OSBPL9: variants seen among roughly 807,000 people sequenced by gnomAD.
OSBPL9 encodes the protein oxysterol-binding protein-related protein 9.
OSBPL9 carries 40 observed loss-of-function variants against 106.6 expected under a neutral mutation model. The observed-to-expected ratio is 0.38, with a 90% CI of 0.29 to 0.49. The LOEUF is 0.49. OSBPL9 is among the 20% of genes least tolerant of loss of function. The pLI is 0.97. For missense variants in OSBPL9, 609 were observed against 887.2 expected, an observed-to-expected ratio of 0.69 and a Z score of 3.98; for synonymous variants, 269 against 295.4, an observed-to-expected ratio of 0.91 and a Z score of 0.92.
intron 3 of OSBPL9, among the ~76,000 whole-genome samples, chr1:51,679,273 A>G (rs144010856): frequency 6.6e-6 from 1 of 152,328 alleles, no homozygotes; most frequent in African/African-American, 2.4e-5. Flanking sequence ...GTTTGGCTTA[A>G]TAGCTAGCAA....
At chr1:51,524,295 A>C in the OSBPL9 span, among the ~76,000 whole-genome samples, 1 of 152,200 alleles carries the variant, frequency 6.6e-6, no homozygotes, top group Non-Finnish European at 1.5e-5. Flanking sequence ...CATCATCACT[A>C]ACTTTTCAGG....
At chr1:51,723,334 C>T (rs1662490867) in intron 4 of OSBPL9, among the ~76,000 whole-genome samples, 2 of 152,194 alleles carry the variant, frequency 1.3e-5, no homozygotes, top group South Asian at 4.1e-4. Flanking sequence ...CTGGCAACCA[C>T]TGAACTTTTT....
At chr1:51,682,128 C>T (rs185650870) in intron 3 of OSBPL9, among the ~76,000 whole-genome samples, 16 of 151,894 alleles carry the variant, frequency 1.1e-4, no homozygotes, top group South Asian at 2.1e-4. Context: ...TGCTTGAACC[C>T]GGGAGGCAGA....
the OSBPL9 span, among the ~76,000 whole-genome samples, chr1:51,560,315 C>A: frequency 6.6e-5 from 10 of 152,160 alleles, no homozygotes; most frequent in Non-Finnish European, 1.3e-4. Context: ...ATGTTTGAAT[C>A]GTGTCTCTAC....
intron 3 of OSBPL9, among the ~76,000 whole-genome samples, chr1:51,695,005 T>C (rs1186848063): frequency 6.6e-6 from 1 of 152,224 alleles, no homozygotes; most frequent in Admixed American, 6.5e-5. Context: ...AATGATATTC[T>C]GTTAACAAAG....
chr1:51,705,399 ATTTTTTTTT>A (rs869169566), intron 3 of OSBPL9, among the ~76,000 whole-genome samples: 74 of 40,372 alleles, frequency 1.8e-3, no homozygotes, highest in East Asian at 4.5e-3. Context: ...ATATATATAT[ATTTTTTTTT>A]TTTTTTTTTT....
At chr1:51,573,864 C>T (rs1645167854), upstream of OSBPL9, 2 of 149,156 alleles carry the variant, frequency 1.3e-5, no homozygotes, top group African/African-American at 5.0e-5. Context: ...ATATCACAGA[C>T]AAAAACAGTT....
At chr1:51,756,388 T>C (rs1343979973) in intron 9 of OSBPL9, 30 bp downstream of exon 9, 3 of 1,601,632 alleles carry the variant, frequency 1.9e-6, no homozygotes, top group African/African-American at 2.7e-5. Context: ...TTTGTTTCCC[T>C]TTACTTCTGC....
intron 4 of OSBPL9, among the ~76,000 whole-genome samples, chr1:51,717,392 G>A (rs1375015872): frequency 6.6e-6 from 1 of 152,212 alleles, no homozygotes; most frequent in Non-Finnish European, 1.5e-5. Flanking sequence ...TTTGACAACA[G>A]TTTTCTTTTC....
At chr1:51,598,190 C>G (rs1381932486) in exon 2 of OSBPL9, 7 of 152,192 alleles carry the variant, frequency 4.6e-5, no homozygotes, top group Admixed American at 3.3e-4. Flanking sequence ...AGATACACAG[C>G]CAGGTCTGTC....
At chr1:51,617,091 T>C (rs770166902), upstream of OSBPL9, 6 of 1,600,856 alleles carry the variant, frequency 3.7e-6, no homozygotes, top group Non-Finnish European at 5.1e-6. Context: ...GGCCGTTTGT[T>C]GTCATTGGCG....
chr1:51,659,780 A>T lies in OSBPL9; in HGVS notation c.162+7739A>T, dbSNP rs561631142. Among the ~76,000 whole-genome samples the T allele has an allele frequency of 4.7e-3, 722 of 152,248 alleles. 3 individuals are homozygous for T. Among genetic ancestry groups the T allele is most frequent in the Non-Finnish European group, 7.9e-3 (540 of 67,980 alleles). ...AATTTGAAAGCTTATATGAAAATGG[A>T]TAATTTCTCAAAAAAGCATAAATCA... On this transcript the variant is annotated intron_variant, in intron 2 of 23. Transcript: ENST00000428468.
At chr1:51,582,736 T>C (rs1222150801) in intron 1 of OSBPL9, 1 of 152,176 alleles carries the variant, frequency 6.6e-6, no homozygotes, top group Non-Finnish European at 1.5e-5. Flanking sequence ...AATCCCTTCC[T>C]GCATGGAATT....
At chr1:51,683,029 A>C (rs1652928928) in intron 3 of OSBPL9, among the ~76,000 whole-genome samples, 1 of 151,862 alleles carries the variant, frequency 6.6e-6, no homozygotes, top group Admixed American at 6.6e-5. Context: ...GGTGTCTGCC[A>C]CCATGCCTGG....
chr1:51,580,548 A>C (rs12041015), intron 1 of OSBPL9, among the ~76,000 whole-genome samples: 23,982 of 151,808 alleles, frequency 0.16, 3,656 homozygotes, highest in African/African-American at 0.4. Flanking sequence ...TAAATAAGAG[A>C]CTCTATGCTC....
At chr1:51,593,904 TCACACACACACACA>T (rs58936844) in intron 1 of OSBPL9, among the ~76,000 whole-genome samples, 14 of 140,102 alleles carry the variant, frequency 1.0e-4, no homozygotes, top group African/African-American at 2.7e-4. Context: ...TAATCAGATT[TCACACACACACACA>T]CACACACACA....
At chr1:51,708,016 A>G (rs568523937) in intron 3 of OSBPL9, 1 of 235,632 alleles carries the variant, frequency 4.2e-6, no homozygotes, top group East Asian at 9.6e-5. Flanking sequence ...GAACATGTAG[A>G]CCATGTAGTT....
At chr1:51,566,300 T>G in the OSBPL9 span, 1 of 152,344 alleles carries the variant, frequency 6.6e-6, no homozygotes, top group African/African-American at 2.4e-5. Flanking sequence ...ACAGCTGAGA[T>G]CCCACCTGCT....
rs1667758831 is a variant in OSBPL9 at position 51,745,341 on chromosome 1, G to C, written c.319-195G>C. ...TGTAACTGCTGAGAAGGGAAGCAGT[G>C]CTCCAAGTTAATGAGGAAGATTGAT... On this transcript the variant is annotated intron_variant, in intron 4 of 23. Transcript: ENST00000428468. 9 of 691,810 alleles carry C rather than the reference G, an allele frequency of 1.3e-5. No homozygotes were observed. The East Asian group carries it at 3.3e-4, about 25-fold the overall frequency. 42.9% of individuals were successfully genotyped at this position (691,810 alleles called of 1,614,324 possible).
Sources: gnomAD v4.1 joint callset for allele counts (sites outside exome capture counted in the v4.1 genomes callset) on GRCh38, gnomAD v4.1.1 for gene constraint, MANE v1.5 for transcripts, NCBI Gene and HGNC (gene_info 2026-07-23, HGNC 2026-07-21) for gene names.